The following TBC1D14 variants were observed in gnomAD, a reference collection of about 807,000 sequenced individuals.
TBC1D14 encodes TBC1 domain family, member 14.
A neutral mutation model predicts 79.0 loss-of-function variants in TBC1D14; 26 were observed. The observed-to-expected ratio is 0.33, with a 90% CI of 0.24 to 0.46. The LOEUF (loss-of-function observed/expected upper bound fraction) is 0.46, where lower values mean the gene tolerates loss of function less well. TBC1D14 is among the 20% of genes least tolerant of loss of function. The pLI is 1.00. For missense variants in TBC1D14, 769 were observed against 887.6 expected (o/e 0.87, Z 1.70); for synonymous variants, 394 against 349.9 (o/e 1.13, Z -1.40).
chr4:7,024,621 A>C (rs1254050690), intron 12 of TBC1D14, among the ~76,000 whole-genome samples: 2 of 152,204 alleles, frequency 1.3e-5, no homozygotes, highest in Non-Finnish European at 2.9e-5. Context: ...TGGCGCCAGC[A>C]TTGAGCCCCA....
rs759825854 is a variant in TBC1D14, at chr4:7,009,867, A to C, written c.1447-10A>C. 3.7e-6 allele frequency: 6 copies of C among 1,614,122 alleles called. No individual in the cohort carries two copies. Among genetic ancestry groups the C allele is most frequent in the Non-Finnish European group, 5.1e-6 (6 of 1,180,006 alleles). On this transcript the variant is annotated splice_polypyrimidine_tract_variant and intron_variant, in intron 9 of 13. Coordinates refer to ENST00000409757, the MANE Select transcript of TBC1D14 (RefSeq NM_020773.3). ...TGCATGTGTTGTTTTTGCTGTGTTG[A>C]TCCTTTTAGGGTGGTCCATATCATG...
chr4:6,911,917 G>C (rs1392720823), intron 1 of TBC1D14, among the ~76,000 whole-genome samples: 1 of 152,162 alleles, frequency 6.6e-6, no homozygotes, highest in African/African-American at 2.4e-5. Context: ...AACGCAACAG[G>C]ATTTTAGGAA....
chr4:6,983,474 G>A (rs921236482), intron 3 of TBC1D14, among the ~76,000 whole-genome samples: 2 of 152,136 alleles, frequency 1.3e-5, no homozygotes, highest in Non-Finnish European at 2.9e-5. Context: ...ACATTATACA[G>A]CTGGTGACCG....
At position 7,009,868 on chromosome 4, in the gene TBC1D14, T is replaced by A. The variant is rs371657640; in HGVS notation, c.1447-9T>A. On this transcript the variant is annotated splice_polypyrimidine_tract_variant and intron_variant, in intron 9 of 13. Coordinates refer to ENST00000409757, the MANE Select transcript of TBC1D14 (RefSeq NM_020773.3). ...GCATGTGTTGTTTTTGCTGTGTTGA[T>A]CCTTTTAGGGTGGTCCATATCATGA... 9 of 1,614,118 alleles carry A rather than the reference T, an allele frequency of 5.6e-6. No homozygotes were observed. The highest frequency in any genetic ancestry group is 2.7e-5 in the African/African-American group (2 of 74,946).
chr4:7,029,990 A>G (rs139492490), intron 13 of TBC1D14, among the ~76,000 whole-genome samples: 35 of 152,196 alleles, frequency 2.3e-4, no homozygotes, highest in Non-Finnish European at 3.4e-4. Flanking sequence ...GTGCAGCGGG[A>G]TGGGCACAGG....
At chr4:6,999,617 C>A (rs931299265) in intron 6 of TBC1D14, among the ~76,000 whole-genome samples, 1 of 152,114 alleles carries the variant, frequency 6.6e-6, no homozygotes, top group East Asian at 1.9e-4. Flanking sequence ...GGGAGCCCCC[C>A]ATAGGTGTTG....
At chr4:6,910,159 T>A (rs2108886844) in intron 1 of TBC1D14, 1 of 150,790 alleles carries the variant, frequency 6.6e-6, no homozygotes, top group African/African-American at 2.4e-5. Context: ...GGGGTGCCGT[T>A]ACGGGGCCTC....
At chr4:6,921,014 A>G (rs1723808795) in intron 1 of TBC1D14, among the ~76,000 whole-genome samples, 2 of 152,208 alleles carry the variant, frequency 1.3e-5, no homozygotes, top group Non-Finnish European at 2.9e-5. Flanking sequence ...TCCTGACCTC[A>G]GGTGATCCAC....
Position 7,014,833 on chromosome 4 carries a change from G to A in TBC1D14, c.1757+276G>A, listed in dbSNP as rs562819528. Among the ~76,000 whole-genome samples the A allele has an allele frequency of 4.6e-5, 7 of 152,362 alleles. No individual in the cohort carries two copies. The East Asian group carries it at 5.8e-4, about 13-fold the overall frequency. Reference sequence around the variant, plus strand: ...CGTCCTAAGCACCCGGCCTGTGCAGGCCCTCGCTGGGTATAGAGGTGGCCT... The same window carrying A: ...CGTCCTAAGCACCCGGCCTGTGCAGACCCTCGCTGGGTATAGAGGTGGCCT... On this transcript the variant is annotated intron_variant, in intron 12 of 13. Transcript: ENST00000409757.
In TBC1D14 at chr4:6,977,033, T is replaced by TCCTCTC. The variant is rs1324110491; in HGVS notation, c.843+9620_843+9625dup. 1.9e-4 allele frequency among the ~76,000 whole-genome samples: 24 copies of TCCTCTC among 125,828 alleles called. 1 individual carries two copies. The highest frequency in any genetic ancestry group is 3.2e-4 in the Non-Finnish European group (19 of 59,124). The allele number at this position is 125,828 out of a possible 152,430, so 82.5% of individuals were successfully genotyped here. On this transcript the variant is annotated intron_variant, in intron 3 of 13. Transcript: ENST00000409757. ...CGGAGAAGAAAATCAGGGCGCTCCC[T>TCCTCTC]CCTCTCCCTCTCCCTCCTCTCCCTC...
intron 2 of TBC1D14, among the ~76,000 whole-genome samples, chr4:6,949,670 A>C (rs1017423737): frequency 1.7e-5 from 2 of 115,076 alleles, no homozygotes; most frequent in Non-Finnish European, 3.6e-5. Flanking sequence ...GCGACAGAGC[A>C]AGACTCCGTC....
chr4:6,944,123 C>T (rs758013912), intron 2 of TBC1D14, among the ~76,000 whole-genome samples: 4 of 152,132 alleles, frequency 2.6e-5, no homozygotes, highest in East Asian at 1.9e-4. Flanking sequence ...AGGAAAACTT[C>T]GGCGTCGTTC....
Position 7,007,456 on chromosome 4 carries a change from C to T in TBC1D14, c.1446+730C>T, listed in dbSNP as rs189645485. The T allele has an allele frequency of 1.7e-3, 1,682 of 1,000,190 alleles. 5 individuals carry two copies. Among genetic ancestry groups the T allele is most frequent in the Non-Finnish European group, 1.8e-3 (1,325 of 737,958 alleles). The allele number at this position is 1,000,190 out of a possible 1,614,324, so 62.0% of individuals were successfully genotyped here. ...CTTTCTTATCTATAACGGGTTTTTG[C>T]GGGGGCAGTTGTTCTTGCAGAATAC... On this transcript the variant is annotated intron_variant, in intron 9 of 13. Transcript: ENST00000409757.
chr4:6,938,575 C>G (rs1171937765), intron 2 of TBC1D14, among the ~76,000 whole-genome samples: 1 of 152,204 alleles, frequency 6.6e-6, no homozygotes, highest in East Asian at 1.9e-4. Context: ...TCCCCAGGAC[C>G]AGGTCTGCAG....
intron 2 of TBC1D14, among the ~76,000 whole-genome samples, chr4:6,937,973 C>A (rs1231171125): frequency 1.3e-5 from 2 of 152,136 alleles, no homozygotes; most frequent in Non-Finnish European, 2.9e-5. Flanking sequence ...GATTGAGCCG[C>A]ATCTGGTGAG....
At chr4:6,921,643 A>C (rs1053533236) in intron 1 of TBC1D14, among the ~76,000 whole-genome samples, 8 of 150,458 alleles carry the variant, frequency 5.3e-5, no homozygotes, top group Admixed American at 4.0e-4. Flanking sequence ...TTCCTGCCTC[A>C]GCCTCCATGA....
intron 1 of TBC1D14, among the ~76,000 whole-genome samples, chr4:6,919,425 C>T (rs559207238): frequency 4.7e-4 from 72 of 152,132 alleles, no homozygotes; most frequent in African/African-American, 1.7e-3. Flanking sequence ...GGATTACTGG[C>T]GTGAGCCACC....
chr4:6,936,265 A>G (rs1474952134), intron 2 of TBC1D14, among the ~76,000 whole-genome samples: 1 of 152,196 alleles, frequency 6.6e-6, no homozygotes, highest in Non-Finnish European at 1.5e-5. Flanking sequence ...GCCGTATCAC[A>G]CTGAGGAGTT....
Position 6,989,813 on chromosome 4 carries a change from T to G in TBC1D14, c.844-4371T>G, listed in dbSNP as rs1560315479. Among the ~76,000 whole-genome samples, 4 of 152,182 alleles carry G rather than the reference T, an allele frequency of 2.6e-5. 1 individual carries two copies. The South Asian group carries it at 8.3e-4, about 32-fold the overall frequency. On this transcript the variant is annotated intron_variant, in intron 3 of 13. Transcript: ENST00000409757. ...CACCCTGCCTCCCTGCCTTTTTTCT[T>G]CAACCTTAGCTGGGTCATCAGACCA... is the stretch of plus-strand genomic sequence containing the variant.
Sources: allele counts gnomAD v4.1 joint callset (sites outside exome capture counted in the v4.1 genomes callset), GRCh38; gene constraint gnomAD v4.1.1; transcripts MANE v1.5; gene names NCBI Gene and HGNC (gene_info 2026-07-23, HGNC 2026-07-21).